The following CAD variants were observed in gnomAD, a reference collection of about 807,000 sequenced individuals.
The protein encoded by CAD is carbamoyl-phosphate synthetase 2, aspartate transcarbamylase, and dihydroorotase.
Under a neutral mutation model 237.2 loss-of-function variants are expected in CAD, and 81 were observed. The ratio of observed to expected loss-of-function variants is 0.34; its 90% CI spans 0.29 to 0.41. The LOEUF (loss-of-function observed/expected upper bound fraction) is 0.41, where lower values mean the gene tolerates loss of function less well. CAD is among the 10% of genes least tolerant of loss of function. The pLI is 1.00. For missense variants in CAD, 2,181 were observed against 2,951.7 expected (o/e 0.74, Z 6.05); for synonymous variants, 1,196 against 1,162.8 (o/e 1.03, Z -0.58).
chr2:27,226,535 T>C lies in CAD; in HGVS notation c.2042T>C (p.Ile681Thr), dbSNP rs1327390213. The change falls in exon 14 of 44, where the codon ATT (isoleucine) becomes ACT (threonine). Residue 681 changes from isoleucine to threonine, a missense_variant. By Grantham distance (89) the Ile-to-Thr change is moderately conservative. Around this residue, in one of 12 missense-constraint regions of CAD, gnomAD observed 385 missense variants for 535.1 expected, o/e 0.72. Coordinates refer to ENST00000264705, the MANE Select transcript of CAD (RefSeq NM_004341.5). The part of the protein sequence containing the change: ...LNPESEQYYI[I>T]EVNARLSRSS... ...TCTCCTTCTTTGCAGTATTACATCATTGAAGTGAATGCCAGGCTCTCTCGC... is the reference window on the plus strand; with the variant it reads ...TCTCCTTCTTTGCAGTATTACATCACTGAAGTGAATGCCAGGCTCTCTCGC... The C allele has an allele frequency of 8.7e-6, 14 of 1,614,048 alleles. No individual in the cohort carries two copies. The East Asian group carries it at 1.3e-4, about 15-fold the overall frequency.
chr2:27,232,600 C>T lies in CAD; in HGVS notation c.2798C>T (p.Pro933Leu), dbSNP rs1675814338. Reference protein sequence around the residue: ...GTTHDLTFRTPHVLVLGSGVY... With the variant: ...GTTHDLTFRTLHVLVLGSGVY... The stretch of plus-strand genomic sequence containing the variant: ...ACCCATGACCTCACCTTTCGAACAC[C>T]TCATGTCCTAGTCCTTGGCTCTGGC... Residue 933 changes from proline to leucine, a missense_variant, in exon 18 of 44, where the codon CCT becomes CTT. Coordinates refer to ENST00000264705, the MANE Select transcript of CAD (RefSeq NM_004341.5). This position sits in a 1 kb window ranked among gnomAD's most constrained non-coding sequence, Gnocchi z 4.1. 2.5e-6 allele frequency: 4 copies of T among 1,614,212 alleles called. No homozygotes were observed. The highest frequency in any genetic ancestry group is 1.7e-5 in the Admixed American group (1 of 60,024).
intron 15 of CAD, among the ~76,000 whole-genome samples, chr2:27,229,956 G>C (rs1442545013): frequency 6.6e-6 from 1 of 151,986 alleles, no homozygotes; most frequent in Non-Finnish European, 1.5e-5. Flanking sequence ...TAAGTTAGTT[G>C]GTTGGGCGCA....
chr2:27,228,906 TTTC>T (rs1675577369), intron 15 of CAD, among the ~76,000 whole-genome samples: 2 of 148,964 alleles, frequency 1.3e-5, no homozygotes. Flanking sequence ...TCTTTTTTCT[TTTC>T]TTTTTTTTTT....
Position 27,243,550 on chromosome 2 carries a change from C to T in CAD, c.*32C>T. ...GCTTCCTCAGCCTCTTCTCTTTAGG[C>T]CCAGCTGCTGGGCAAGGAATTCCAG... On this transcript the variant is annotated 3_prime_UTR_variant, in exon 44 of 44. Transcript: ENST00000264705. 6.6e-7 allele frequency: 1 copy of T among 1,515,948 alleles called. No homozygotes were observed. The highest frequency in any genetic ancestry group is 9.0e-7 in the Non-Finnish European group (1 of 1,113,378). The allele number at this position is 1,515,948 out of a possible 1,614,324, so 93.9% of individuals were successfully genotyped here. A position where few individuals can be genotyped will look rare whatever the true frequency, so the allele number is the denominator to read the frequency against.
In CAD at chr2:27,233,145, G is replaced by T; in HGVS notation, c.2991+5G>T. On this transcript the variant is annotated splice_donor_5th_base_variant and intron_variant, in intron 19 of 43. Transcript: ENST00000264705. The surrounding 1 kb of genome is among the most constrained non-coding windows in gnomAD (Gnocchi z 6.3). ...TTTGATGAGATCTCTTTTGAGGTGAGGGAGATGGAGGCTTCCTGGTAGCTT... is the reference window on the plus strand; with the variant it reads ...TTTGATGAGATCTCTTTTGAGGTGATGGAGATGGAGGCTTCCTGGTAGCTT... The T allele has an allele frequency of 1.3e-6, 2 of 1,598,818 alleles. No homozygotes were observed. The highest frequency in any genetic ancestry group is 2.2e-5 in the South Asian group (2 of 90,746).
chr2:27,225,679 T>G, intron 11 of CAD, 26 bp from the exon 12 acceptor site: 1 of 1,539,302 alleles, frequency 6.5e-7, no homozygotes, highest in African/African-American at 1.4e-5. Context: ...AATAACCTGT[T>G]TGTTCATCTC....
chr2:27,238,078 A>C lies in CAD; in HGVS notation c.4751A>C (p.His1584Pro), dbSNP rs1363973935. Residue 1584 changes from histidine to proline, a missense_variant, in exon 30 of 44, where the codon CAC (histidine) becomes CCC (proline). Around this residue, in one of 12 missense-constraint regions of CAD, gnomAD observed 478 missense variants for 515.0 expected, o/e 0.93. Coordinates refer to ENST00000264705, the MANE Select transcript of CAD (RefSeq NM_004341.5). ...WMEHFETWPSHLPIVAHAEQQ... is the reference protein window; with the variant it reads ...WMEHFETWPSPLPIVAHAEQQ... ...CAGCATTTCGAGACATGGCCCTCCC[A>C]CCTCCCCATTGTGGCTCACGCAGAG... The C allele has an allele frequency of 1.9e-6, 3 of 1,613,628 alleles. No individual in the cohort carries two copies. In the African/African-American group the frequency reaches 4.0e-5, roughly 22 times the overall value.
Position 27,240,172 on chromosome 2 carries a change from T to G in CAD, c.5497-93T>G. ...AGGAGAATTGCTTGAACCCAGAAGG[T>G]CACGCCACTGCACTCCAGCCTGAGC... On this transcript the variant is annotated intron_variant, in intron 34 of 43. Coordinates refer to ENST00000264705, the MANE Select transcript of CAD (RefSeq NM_004341.5). The surrounding 1 kb of genome is among the most constrained non-coding windows in gnomAD (Gnocchi z 4.6). 1.0e-6 allele frequency: 1 copy of G among 1,003,974 alleles called. No homozygotes were observed. The highest frequency in any genetic ancestry group is 1.7e-5 in the African/African-American group (1 of 60,208). 62.2% of individuals were successfully genotyped at this position (1,003,974 alleles called of 1,614,324 possible). A position where few individuals can be genotyped will look rare whatever the true frequency, so the allele number is the denominator to read the frequency against.
rs1331309806 is a variant in CAD, at chr2:27,242,572, G to A, written c.6223-48G>A. ...TTTTAAAAGCTTGGAAATGATGTCG[G>A]GGGGCACTCAGTCTGGGATCCCTGT... On this transcript the variant is annotated intron_variant, in intron 40 of 43. Transcript: ENST00000264705. The surrounding 1 kb of genome is among the most constrained non-coding windows in gnomAD (Gnocchi z 6.4). 6.4e-7 allele frequency: 1 copy of A among 1,563,498 alleles called. No individual in the cohort carries two copies. Among genetic ancestry groups the A allele is most frequent in the Admixed American group, 1.8e-5 (1 of 56,590 alleles).
Position 27,242,381 on chromosome 2 carries a change from A to C in CAD, c.6176A>C (p.Asp2059Ala). ...GAGCACCCCACCCAGGCCCTGCTGG[A>C]CATCTTCACCATCCGTGAGGAGCTG... ...VGEHPTQALL[D>A]IFTIREELGT... is the part of the protein sequence containing the mutation. The change falls in exon 40 of 44, where the codon GAC becomes GCC. Residue 2059 changes from aspartate (D) to alanine (A), a missense_variant. Physicochemically the swap from Asp to Ala is moderately radical, Grantham distance 126. This residue lies in a region of CAD where 11 missense variants were observed against 39.4 expected (regional missense o/e 0.28). Transcript: ENST00000264705. This position sits in a 1 kb window ranked among gnomAD's most constrained non-coding sequence, Gnocchi z 6.4. The C allele has an allele frequency of 6.2e-7, 1 of 1,613,992 alleles. No homozygotes were observed. Among genetic ancestry groups the C allele is most frequent in the Non-Finnish European group, 8.5e-7 (1 of 1,179,968 alleles).
At position 27,227,979 on chromosome 2, in the gene CAD, G is replaced by C. The variant is rs538427173; in HGVS notation, c.2287+1017G>C. On this transcript the variant is annotated intron_variant, in intron 15 of 43. Coordinates refer to ENST00000264705, the MANE Select transcript of CAD (RefSeq NM_004341.5). ...AGGCATATGTGTATGCATGTATTAG[G>C]CTTCTCCTTTTTTAACAAATCTCAA... Among the ~76,000 whole-genome samples the C allele has an allele frequency of 2.0e-5, 3 of 152,332 alleles. No homozygotes were observed. In the South Asian group the frequency reaches 6.2e-4, roughly 32 times the overall value.
At chr2:27,228,415 G>A (rs1212309213) in intron 15 of CAD, among the ~76,000 whole-genome samples, 1 of 152,180 alleles carries the variant, frequency 6.6e-6, no homozygotes, top group Non-Finnish European at 1.5e-5. Flanking sequence ...ATCCTAAGGA[G>A]ATTATCCAAA....
chr2:27,217,780 C>T, intron 1 of CAD, 97 bp from the exon 2 acceptor site: 16 of 1,483,764 alleles, frequency 1.1e-5, no homozygotes, highest in Non-Finnish European at 1.5e-5. Flanking sequence ...CCATAAACCC[C>T]TCGCGACCAA....
In CAD at chr2:27,239,798, G is replaced by T; in HGVS notation, c.5496G>T (p.Thr1832=). 6.5e-7 allele frequency: 1 copy of T among 1,546,152 alleles called. No homozygotes were observed. The highest frequency in any genetic ancestry group is 8.7e-7 in the Non-Finnish European group (1 of 1,146,026). Residue 1832 remains threonine, a splice_region_variant and synonymous_variant, in exon 34 of 44, where the codon ACG becomes ACT. Transcript: ENST00000264705. The surrounding 1 kb of genome is among the most constrained non-coding windows in gnomAD (Gnocchi z 4.0). ...PSAPATSEMT[T]TPERPRRGIP... ...CCCCTGCCACTAGTGAGATGACCAC[G>T]GTATCCACACTACTGGGCTAGGGGG...
In CAD at chr2:27,232,529, G is replaced by A. The variant is rs1675810415; in HGVS notation, c.2727G>A (p.Glu909=). Residue 909 remains glutamate, a synonymous_variant, in exon 18 of 44, where the codon GAG becomes GAA. Coordinates refer to ENST00000264705, the MANE Select transcript of CAD (RefSeq NM_004341.5). This position sits in a 1 kb window ranked among gnomAD's most constrained non-coding sequence, Gnocchi z 4.1. ...AACAGATTGACACAGTTGCAGCTGA[G>A]TGGCCAGCCCAGACAAATTACCTAT... is the stretch of plus-strand genomic sequence containing the variant. ...AVKQIDTVAA[E]WPAQTNYLYL... 6.2e-7 allele frequency: 1 copy of A among 1,614,122 alleles called. No individual in the cohort carries two copies.
At chr2:27,222,060 T>C in intron 3 of CAD, 134 bp from the exon 4 acceptor site, 2 of 808,200 alleles carry the variant, frequency 2.5e-6, no homozygotes, top group Non-Finnish European at 4.0e-6. Context: ...TCTGTCACAA[T>C]GGCCCAGGAT....
chr2:27,217,969 A>C lies in CAD; in HGVS notation c.175A>C (p.Asn59His). The change falls in exon 2 of 44, where the codon AAC becomes CAC. Residue 59 changes from asparagine to histidine, a missense_variant. By Grantham distance (68) the Asn-to-His change is moderately conservative. Coordinates refer to ENST00000264705, the MANE Select transcript of CAD (RefSeq NM_004341.5). ...AGTGCTCACCTATCCTCTGATCGGC[A>C]ACTATGGCATCCCCCCAGATGAAAT... Reference protein sequence around the residue: ...ILVLTYPLIGNYGIPPDEMDE... With the variant: ...ILVLTYPLIGHYGIPPDEMDE... 3 of 1,612,708 alleles carry C rather than the reference A, an allele frequency of 1.9e-6. No individual in the cohort carries two copies. Among genetic ancestry groups the C allele is most frequent in the Non-Finnish European group, 2.5e-6 (3 of 1,179,248 alleles).
At chr2:27,228,162 G>A (rs1472088507) in intron 15 of CAD, among the ~76,000 whole-genome samples, 1 of 152,186 alleles carries the variant, frequency 6.6e-6, no homozygotes, top group Non-Finnish European at 1.5e-5. Context: ...AGCCCCTAGA[G>A]TAAATAGTCA....
chr2:27,242,044 C>A lies in CAD; in HGVS notation c.6017C>A (p.Ser2006Tyr), dbSNP rs1676344737. 6.2e-7 allele frequency: 1 copy of A among 1,613,416 alleles called. No homozygotes were observed. The highest frequency in any genetic ancestry group is 2.2e-5 in the East Asian group (1 of 44,882). ...EATSSVQKGESLADSVQTMSC... is the reference protein window; with the variant it reads ...EATSSVQKGEYLADSVQTMSC... ...ACATCGTCCGTCCAGAAGGGCGAAT[C>A]CCTGGCTGACTCCGTGCAGACCATG... Residue 2006 changes from serine to tyrosine, a missense_variant, in exon 39 of 44, where the codon TCC (serine) becomes TAC (tyrosine). Physicochemically the swap from Ser to Tyr is moderately radical, Grantham distance 144. Around this residue, in one of 12 missense-constraint regions of CAD, gnomAD observed 203 missense variants for 284.5 expected, o/e 0.71. Coordinates refer to ENST00000264705, the MANE Select transcript of CAD (RefSeq NM_004341.5). The surrounding 1 kb of genome is among the most constrained non-coding windows in gnomAD (Gnocchi z 6.4).
Sources: gnomAD v4.1 joint callset for allele counts (sites outside exome capture counted in the v4.1 genomes callset) on GRCh38, gnomAD v4.1.1 for gene constraint, gnomAD v4.1.1 regional missense constraint, Gnocchi (gnomAD v3.1) non-coding constraint, MANE v1.5 for transcripts, NCBI Gene and HGNC (gene_info 2026-07-23, HGNC 2026-07-21) for gene names.